Variants in ATP8A1 observed in about 807,000 individuals in gnomAD.
ATP8A1 encodes the protein ATPase phospholipid transporting 8A1, also known as phospholipid-transporting ATPase IA.
In ATP8A1, 90 loss-of-function variants were observed where a neutral mutation model predicts 177.7. That is an observed-to-expected ratio of 0.51 (90% CI 0.43 to 0.60). The LOEUF is 0.60. Ranked by LOEUF, ATP8A1 falls within the 20% of genes least tolerant of loss-of-function variation. The probability of loss-of-function intolerance (pLI) is 0.00; values close to 1 mark genes in which losing one functional copy is unlikely to be tolerated. For synonymous variants in ATP8A1, 493 were observed against 485.9 expected (o/e 1.01, Z -0.19); for missense variants, 1,072 against 1,392.8 (o/e 0.77, Z 3.67).
intron 29 of ATP8A1, among the ~76,000 whole-genome samples, chr4:42,453,717 G>A (rs775923615): frequency 1.3e-5 from 2 of 152,198 alleles, no homozygotes; most frequent in Non-Finnish European, 2.9e-5. Flanking sequence ...TTTGTGGTTA[G>A]AGGCTAAATT....
chr4:42,596,536 A>G (rs1963963), intron 6 of ATP8A1, among the ~76,000 whole-genome samples: 145,818 of 151,878 alleles, frequency 0.96, 70,249 homozygotes, highest in East Asian at 1. Context: ...GCATGGTGGC[A>G]GGCACCTGTA....
chr4:42,530,472 T>C (rs1727153175), intron 20 of ATP8A1, among the ~76,000 whole-genome samples: 1 of 152,350 alleles, frequency 6.6e-6, no homozygotes, highest in Non-Finnish European at 1.5e-5. Flanking sequence ...TTCCACACAG[T>C]ACTGCCTCTG....
At chr4:42,650,238 A>G (rs932890553) in intron 1 of ATP8A1, among the ~76,000 whole-genome samples, 8 of 152,248 alleles carry the variant, frequency 5.3e-5, no homozygotes, top group African/African-American at 1.9e-4. Context: ...TAATACACTT[A>G]TATCTCCAGA....
chr4:42,510,316 C>T (rs1331438810), intron 22 of ATP8A1, among the ~76,000 whole-genome samples: 3 of 152,116 alleles, frequency 2.0e-5, no homozygotes, highest in African/African-American at 4.8e-5. Flanking sequence ...GAACAATTAT[C>T]ATCAAGAAGT....
At chr4:42,467,921 G>C (rs1719966796) in intron 25 of ATP8A1, among the ~76,000 whole-genome samples, 1 of 152,130 alleles carries the variant, frequency 6.6e-6, no homozygotes, top group Non-Finnish European at 1.5e-5. Flanking sequence ...TGGATATACA[G>C]ATTGTGAAGA....
intron 10 of ATP8A1, among the ~76,000 whole-genome samples, chr4:42,581,368 T>A (rs558284256): frequency 3.3e-5 from 5 of 152,222 alleles, no homozygotes; most frequent in Non-Finnish European, 7.4e-5. Context: ...CTCCTGACCT[T>A]GTGATCCGCC....
At chr4:42,620,596 GGCAGGA>G (rs745814001) in intron 4 of ATP8A1, among the ~76,000 whole-genome samples, 13 of 152,172 alleles carry the variant, frequency 8.5e-5, no homozygotes, top group Non-Finnish European at 1.3e-4. Flanking sequence ...GTGATTATAA[GGCAGGA>G]GTCTGGAGCC....
intron 1 of ATP8A1, among the ~76,000 whole-genome samples, chr4:42,632,873 G>C (rs1207976322): frequency 6.6e-6 from 1 of 152,156 alleles, no homozygotes; most frequent in East Asian, 1.9e-4. Flanking sequence ...TTGTAAAATG[G>C]GGAAGCCAGG....
intron 9 of ATP8A1, among the ~76,000 whole-genome samples, chr4:42,582,413 C>G (rs1203286184): frequency 1.3e-5 from 2 of 151,938 alleles, no homozygotes; most frequent in Non-Finnish European, 1.5e-5. Context: ...ATTTAGATTT[C>G]TAAAAGTGTT....
Position 42,520,081 on chromosome 4 carries a change from T to C in ATP8A1, c.1947+2079A>G, listed in dbSNP as rs544387392. On this transcript the variant is annotated intron_variant, in intron 22 of 36. Transcript: ENST00000381668. ...AGGTTGCAAGGCTTTTAATCAGTTA[T>C]TAAAAGAACAAGAAACAAAACTGTT... is the stretch of plus-strand genomic sequence containing the variant. Among the ~76,000 whole-genome samples the C allele has an allele frequency of 1.1e-3, 168 of 152,194 alleles. 1 individual carries two copies. The highest frequency in any genetic ancestry group is 3.9e-3 in the African/African-American group (162 of 41,524).
At position 42,507,786 on chromosome 4, in the gene ATP8A1, A is replaced by AC. The variant is rs1724567572; in HGVS notation, c.1948-633_1948-632insG. On this transcript the variant is annotated intron_variant, in intron 22 of 36. Transcript: ENST00000381668. ...TTAAAAAGGACAGGCATTCTAAAAA[A>AC]AAAAAAAAAAAAAAAAAAAAAAACA... Among the ~76,000 whole-genome samples, 32 of 129,778 alleles carry AC rather than the reference A, an allele frequency of 2.5e-4. 2 individuals carry two copies. The South Asian group carries it at 4.6e-3, about 19-fold the overall frequency. 85.1% of individuals were successfully genotyped at this position (129,778 alleles called of 152,430 possible).
chr4:42,612,592 C>A (rs1736476766), intron 5 of ATP8A1, among the ~76,000 whole-genome samples: 1 of 151,588 alleles, frequency 6.6e-6, no homozygotes, highest in South Asian at 2.1e-4. Flanking sequence ...AAACAGTACA[C>A]AATTTTATAT....
At chr4:42,415,643 C>T (rs1466969913) in intron 35 of ATP8A1, among the ~76,000 whole-genome samples, 3 of 152,114 alleles carry the variant, frequency 2.0e-5, no homozygotes, top group African/African-American at 7.2e-5. Flanking sequence ...ATAAGTAATC[C>T]ATATGTGTTG....
intron 25 of ATP8A1, chr4:42,472,064 A>T (rs1301553592): frequency 1.4e-6 from 1 of 720,734 alleles, no homozygotes; most frequent in Non-Finnish European, 2.6e-6. Flanking sequence ...AATTGGAGAA[A>T]AAGTTCAGTG....
intron 24 of ATP8A1, among the ~76,000 whole-genome samples, chr4:42,496,280 A>G (rs1578050224): frequency 6.6e-6 from 1 of 152,348 alleles, no homozygotes; most frequent in African/African-American, 2.4e-5. Flanking sequence ...AAGGGATATA[A>G]TTATATAATT....
At chr4:42,543,470 C>T (rs958680502) in intron 20 of ATP8A1, among the ~76,000 whole-genome samples, 2 of 152,142 alleles carry the variant, frequency 1.3e-5, no homozygotes, top group Non-Finnish European at 2.9e-5. Flanking sequence ...AAAGCCATGT[C>T]AGAAATTGTT....
intron 29 of ATP8A1, among the ~76,000 whole-genome samples, chr4:42,453,048 T>C (rs1222339978): frequency 6.6e-6 from 1 of 152,242 alleles, no homozygotes; most frequent in Admixed American, 6.5e-5. Context: ...CCTTTGTCTC[T>C]TCTCCTCACT....
intron 33 of ATP8A1, among the ~76,000 whole-genome samples, chr4:42,429,311 A>G (rs989162781): frequency 6.6e-6 from 1 of 152,094 alleles, no homozygotes; most frequent in Admixed American, 6.6e-5. Flanking sequence ...AACTATCCCC[A>G]GCTCCCAGTC....
chr4:42,531,577 CAA>C (rs1727265322), intron 20 of ATP8A1, among the ~76,000 whole-genome samples: 1 of 151,800 alleles, frequency 6.6e-6, no homozygotes, highest in Admixed American at 6.6e-5. Flanking sequence ...GAGCAATCAA[CAA>C]GAGAAAAAAA....
Sources: allele counts gnomAD v4.1 joint callset (sites outside exome capture counted in the v4.1 genomes callset), GRCh38; gene constraint gnomAD v4.1.1; transcripts MANE v1.5; gene names NCBI Gene and HGNC (gene_info 2026-07-23, HGNC 2026-07-21).